Variants in JPH3 observed in about 807,000 individuals in gnomAD.
JPH3 encodes the protein junctophilin 3.
Under a neutral mutation model 59.6 loss-of-function variants are expected in JPH3, and 11 were observed. The observed-to-expected ratio is 0.18, with a 90% CI of 0.12 to 0.31. JPH3 has a LOEUF of 0.31. Ranked by LOEUF, JPH3 falls within the 10% of genes least tolerant of loss-of-function variation. The pLI is 1.00. For missense variants in JPH3, 1,202 were observed against 1,105.7 expected (o/e 1.09, Z -1.24); for synonymous variants, 673 against 483.6 (o/e 1.39, Z -5.14).
chr16:87,665,445 C>G (rs913707144), intron 2 of JPH3, among the ~76,000 whole-genome samples: 2 of 152,226 alleles, frequency 1.3e-5, no homozygotes, highest in African/African-American at 4.8e-5. Flanking sequence ...TGCTTTAGGT[C>G]TGTAGGAGTA....
intron 1 of JPH3, chr16:87,605,009 A>G (rs1033290610): frequency 4.5e-6 from 2 of 444,628 alleles, no homozygotes; most frequent in Admixed American, 4.8e-5. Flanking sequence ...GCGTGCAGGC[A>G]CAGGGAGGCC....
chr16:87,691,768 C>T (rs1567617293), intron 4 of JPH3, among the ~76,000 whole-genome samples: 1 of 152,076 alleles, frequency 6.6e-6, no homozygotes, highest in Non-Finnish European at 1.5e-5. Flanking sequence ...GAGAACAGCC[C>T]CTATGCTCCT....
chr16:87,634,176 C>G (rs996410204), intron 1 of JPH3, among the ~76,000 whole-genome samples: 1 of 152,270 alleles, frequency 6.6e-6, no homozygotes, highest in East Asian at 1.9e-4. Flanking sequence ...GTCTGTTGGC[C>G]AGCGCAGGGC....
At chr16:87,629,565 T>G (rs1189025797) in intron 1 of JPH3, among the ~76,000 whole-genome samples, 5 of 151,990 alleles carry the variant, frequency 3.3e-5, no homozygotes, top group African/African-American at 1.2e-4. Context: ...CAATGCCTGG[T>G]GCTCAGCGGG....
At chr16:87,640,935 C>G (rs1415322097) in intron 1 of JPH3, among the ~76,000 whole-genome samples, 1 of 152,192 alleles carries the variant, frequency 6.6e-6, no homozygotes, top group Non-Finnish European at 1.5e-5. Flanking sequence ...CGGGTCTGGC[C>G]TTGGTAAAGG....
intron 3 of JPH3, among the ~76,000 whole-genome samples, chr16:87,685,380 C>T (rs1013418851): frequency 6.6e-6 from 1 of 152,250 alleles, no homozygotes; most frequent in African/African-American, 2.4e-5. Flanking sequence ...CCAAAGTGTC[C>T]AAGTGGGAGG....
chr16:87,652,568 A>T (rs1015835216), intron 2 of JPH3, among the ~76,000 whole-genome samples: 30 of 152,142 alleles, frequency 2.0e-4, no homozygotes, highest in African/African-American at 6.5e-4. Context: ...GGCTCAAGTG[A>T]TCCTCCTGCT....
chr16:87,632,892 CAA>C (rs59476481), intron 1 of JPH3, among the ~76,000 whole-genome samples: 6 of 128,772 alleles, frequency 4.7e-5, no homozygotes, highest in Non-Finnish European at 3.4e-5. Flanking sequence ...GACTCTGTCT[CAA>C]AAAAAAAAAA....
intron 1 of JPH3, among the ~76,000 whole-genome samples, chr16:87,610,008 C>G (rs984639435): frequency 7.9e-5 from 12 of 152,184 alleles, no homozygotes; most frequent in African/African-American, 2.9e-4. Flanking sequence ...ACGGTCTCAT[C>G]TGGGGGTGAT....
chr16:87,680,771 TCTC>T (rs1310959340), intron 2 of JPH3, among the ~76,000 whole-genome samples: 12 of 152,108 alleles, frequency 7.9e-5, no homozygotes, highest in South Asian at 2.1e-4. Context: ...CGTTTGGGAG[TCTC>T]CTCCTCCATG....
At chr16:87,624,639 C>T (rs542435882) in intron 1 of JPH3, among the ~76,000 whole-genome samples, 166 of 152,342 alleles carry the variant, frequency 1.1e-3, no homozygotes, top group Non-Finnish European at 1.9e-3. Context: ...TGGGCTGTTT[C>T]CACCTGGGGG....
chr16:87,689,096 C>T (rs1051881847), intron 3 of JPH3, among the ~76,000 whole-genome samples: 1 of 152,128 alleles, frequency 6.6e-6, no homozygotes, highest in African/African-American at 2.4e-5. Context: ...ACTTGAAGCC[C>T]CAGCAGCCTC....
intron 2 of JPH3, among the ~76,000 whole-genome samples, chr16:87,670,168 T>C (rs931897679): frequency 6.6e-6 from 1 of 152,102 alleles, no homozygotes; most frequent in African/African-American, 2.4e-5. Context: ...CACCGGCCGA[T>C]GTGGGCAACT....
At chr16:87,682,962 T>A (rs1416849381) in intron 2 of JPH3, among the ~76,000 whole-genome samples, 1 of 152,222 alleles carries the variant, frequency 6.6e-6, no homozygotes, top group Non-Finnish European at 1.5e-5. Context: ...GGTGGGCAGG[T>A]CCCCTGCAGG....
At chr16:87,657,457 A>C (rs760748444) in intron 2 of JPH3, among the ~76,000 whole-genome samples, 15 of 152,166 alleles carry the variant, frequency 9.9e-5, no homozygotes, top group Admixed American at 2.0e-4. Flanking sequence ...CGACGACAGT[A>C]CCCTGCAAGT....
chr16:87,647,594 G>A (rs2032194509), intron 2 of JPH3, among the ~76,000 whole-genome samples: 1 of 152,206 alleles, frequency 6.6e-6, no homozygotes, highest in African/African-American at 2.4e-5. Context: ...CGGGGAGGGA[G>A]GTGGTTCCTG....
intron 1 of JPH3, among the ~76,000 whole-genome samples, chr16:87,636,393 G>A (rs192263164): frequency 2.0e-5 from 3 of 152,256 alleles, no homozygotes; most frequent in Non-Finnish European, 4.4e-5. Flanking sequence ...AAGGGCTGGG[G>A]GTGGCCGAGC....
chr16:87,647,348 C>A (rs1019347279), intron 2 of JPH3, among the ~76,000 whole-genome samples: 4 of 151,894 alleles, frequency 2.6e-5, no homozygotes, highest in African/African-American at 9.7e-5. Context: ...ATCCCTGTGT[C>A]TCCTGGGGAG....
chr16:87,602,818 G>A lies in JPH3; in HGVS notation c.-329G>A, dbSNP rs1040750904. 6.5e-6 allele frequency: 1 copy of A among 153,210 alleles called. No individual in the cohort carries two copies. 9.5% of individuals were successfully genotyped at this position (153,210 alleles called of 1,614,324 possible). A position where few individuals can be genotyped will look rare whatever the true frequency, so the allele number is the denominator to read the frequency against. On this transcript the variant is annotated 5_prime_UTR_variant, in exon 1 of 5. Transcript: ENST00000284262. ...CGGCGAGGGGCCCTCTCGCCGCTGAGGTGGAGCCGCGGGCCCCGCCGCCGC... is the reference window on the plus strand; with the variant it reads ...CGGCGAGGGGCCCTCTCGCCGCTGAAGTGGAGCCGCGGGCCCCGCCGCCGC...
Sources: gnomAD v4.1 joint callset for allele counts (sites outside exome capture counted in the v4.1 genomes callset) on GRCh38, gnomAD v4.1.1 for gene constraint, MANE v1.5 for transcripts, NCBI Gene and HGNC (gene_info 2026-07-23, HGNC 2026-07-21) for gene names.